FRMD4A: variants seen among roughly 807,000 people sequenced by gnomAD.
FRMD4A encodes the protein FERM domain-containing protein 4A.
A neutral mutation model predicts 129.1 loss-of-function variants in FRMD4A; 29 were observed. That is an observed-to-expected ratio of 0.22 (90% CI 0.17 to 0.31). FRMD4A has a LOEUF of 0.31. Among genes scored for constraint, FRMD4A ranks in the 10% least tolerant of loss-of-function variants. FRMD4A has a pLI of 1.00. For synonymous variants in FRMD4A, 634 were observed against 571.6 expected, an observed-to-expected ratio of 1.11 and a Z score of -1.56; for missense variants, 1,272 against 1,375.8, an observed-to-expected ratio of 0.92 and a Z score of 1.19.
chr10:14,140,287 T>C (rs1024011776), intron 2 of FRMD4A, among the ~76,000 whole-genome samples: 1 of 152,176 alleles, frequency 6.6e-6, no homozygotes, highest in Non-Finnish European at 1.5e-5. Context: ...GGTCTTGAAC[T>C]CCTGACCTCA....
At chr10:14,008,389 G>A (rs752866043) in intron 2 of FRMD4A, 1 of 1,024,116 alleles carries the variant, frequency 9.8e-7, no homozygotes, top group South Asian at 3.7e-5. Context: ...CAACTTCAGC[G>A]CCCACGAAGC....
intron 12 of FRMD4A, among the ~76,000 whole-genome samples, chr10:13,719,194 A>G (rs567684881): frequency 6.6e-6 from 1 of 152,276 alleles, no homozygotes; most frequent in South Asian, 2.1e-4. Flanking sequence ...CTAAGCTGCA[A>G]GGGATGCGAT....
chr10:14,192,506 T>A (rs1842349310), intron 2 of FRMD4A, among the ~76,000 whole-genome samples: 1 of 152,208 alleles, frequency 6.6e-6, no homozygotes, highest in Non-Finnish European at 1.5e-5. Flanking sequence ...TTCCTCCACA[T>A]TCCTTTTATT....
At chr10:14,219,236 A>G (rs1203608072) in intron 2 of FRMD4A, among the ~76,000 whole-genome samples, 1 of 152,138 alleles carries the variant, frequency 6.6e-6, no homozygotes, top group South Asian at 2.1e-4. Flanking sequence ...TTGTGACCAC[A>G]GGCATCTTGA....
At chr10:13,773,650 G>A (rs2092520366) in intron 6 of FRMD4A, among the ~76,000 whole-genome samples, 1 of 152,186 alleles carries the variant, frequency 6.6e-6, no homozygotes, top group Non-Finnish European at 1.5e-5. Flanking sequence ...GTCATTTTAC[G>A]ACCTATGTTT....
chr10:13,747,957 C>T (rs545805038), intron 8 of FRMD4A, 138 bp from the exon 9 acceptor site: 5 of 641,912 alleles, frequency 7.8e-6, no homozygotes, highest in South Asian at 1.8e-5. Flanking sequence ...GGGGAAGGGG[C>T]GCTCTCTTTT....
At chr10:13,748,653 G>A (rs1170385364) in intron 8 of FRMD4A, among the ~76,000 whole-genome samples, 1 of 151,884 alleles carries the variant, frequency 6.6e-6, no homozygotes, top group Non-Finnish European at 1.5e-5. Flanking sequence ...GCGTTGTCTG[G>A]GCCAGGCTGA....
chr10:13,713,920 T>TATAATATATACATATATGTAATATACAC (rs2088364826), intron 12 of FRMD4A, among the ~76,000 whole-genome samples: 1 of 99,488 alleles, frequency 1.0e-5, no homozygotes, highest in Admixed American at 1.2e-4. Context: ...GTAATATATA[T>TATAATATATACATATATGTAATATACAC]ACATATATAA....
chr10:13,690,807 T>A (rs1743956834), intron 15 of FRMD4A, among the ~76,000 whole-genome samples: 1 of 152,146 alleles, frequency 6.6e-6, no homozygotes, highest in Admixed American at 6.5e-5. Context: ...TGATAAAGCA[T>A]TTGAAGATCG....
intron 2 of FRMD4A, chr10:14,083,042 T>C (rs1321679285): frequency 2.0e-5 from 3 of 152,198 alleles, no homozygotes; most frequent in Non-Finnish European, 2.9e-5. Context: ...AGGTGCAAGG[T>C]AAGATTTGAA....
intron 6 of FRMD4A, among the ~76,000 whole-genome samples, chr10:13,779,494 GA>G (rs1228212837): frequency 4.6e-5 from 7 of 152,096 alleles, no homozygotes; most frequent in African/African-American, 1.4e-4. Context: ...TTCCTTAGTA[GA>G]ACTTTTATTC....
At chr10:14,285,274 A>T (rs1448945482) in intron 2 of FRMD4A, among the ~76,000 whole-genome samples, 16 of 152,210 alleles carry the variant, frequency 1.1e-4, no homozygotes, top group Admixed American at 1.0e-3. Flanking sequence ...GTCTGAGCCC[A>T]ATTATTGTTT....
chr10:13,897,068 A>C (rs937302455), intron 2 of FRMD4A, among the ~76,000 whole-genome samples: 1 of 152,236 alleles, frequency 6.6e-6, no homozygotes, highest in Non-Finnish European at 1.5e-5. Context: ...AAAATGGAAC[A>C]CTAGGCGTAA....
rs541411292 is a variant in FRMD4A at position 14,049,105 on chromosome 10, G to A, written c.46-190193C>T. Among the ~76,000 whole-genome samples the A allele has an allele frequency of 3.9e-5, 6 of 152,316 alleles. No individual in the cohort carries two copies. The South Asian group carries it at 8.3e-4, about 21-fold the overall frequency. On this transcript the variant is annotated intron_variant, in intron 2 of 24. Coordinates refer to ENST00000357447, the MANE Select transcript of FRMD4A (RefSeq NM_018027.5). Reference sequence around the variant, plus strand: ...AGAAGTAAGTCACTGTGGGAAAAAAGTCTTGGCTGTGTCTACTGCTGTACT... The same window carrying A: ...AGAAGTAAGTCACTGTGGGAAAAAAATCTTGGCTGTGTCTACTGCTGTACT...
At chr10:14,271,981 A>C (rs1271923453) in intron 2 of FRMD4A, among the ~76,000 whole-genome samples, 1 of 152,048 alleles carries the variant, frequency 6.6e-6, no homozygotes, top group Non-Finnish European at 1.5e-5. Flanking sequence ...ATAATAATTT[A>C]ATTTAGTTAA....
At chr10:14,067,649 T>G (rs1187822740) in intron 2 of FRMD4A, among the ~76,000 whole-genome samples, 1 of 151,874 alleles carries the variant, frequency 6.6e-6, no homozygotes, top group Admixed American at 6.6e-5. Context: ...AAACTCCATC[T>G]CTACTAAAAA....
chr10:13,990,682 C>T (rs924845617), intron 2 of FRMD4A, among the ~76,000 whole-genome samples: 1 of 152,162 alleles, frequency 6.6e-6, no homozygotes, highest in African/African-American at 2.4e-5. Flanking sequence ...GGAGCCCCAG[C>T]AGGCTGGCGA....
intron 2 of FRMD4A, among the ~76,000 whole-genome samples, chr10:13,884,788 G>C (rs1038808631): frequency 1.3e-5 from 2 of 152,182 alleles, no homozygotes; most frequent in Non-Finnish European, 2.9e-5. Context: ...TTCCCAACAA[G>C]GTAAGAATGG....
intron 2 of FRMD4A, among the ~76,000 whole-genome samples, chr10:13,991,182 G>C (rs1371875616): frequency 1.3e-5 from 2 of 152,170 alleles, no homozygotes; most frequent in Non-Finnish European, 2.9e-5. Flanking sequence ...ATAGCATTCA[G>C]CTGAGTACAC....
Sources: gnomAD v4.1 joint callset for allele counts (sites outside exome capture counted in the v4.1 genomes callset) on GRCh38, gnomAD v4.1.1 for gene constraint, MANE v1.5 for transcripts, NCBI Gene and HGNC (gene_info 2026-07-23, HGNC 2026-07-21) for gene names.